ANKRD6: variants seen among roughly 807,000 people sequenced by gnomAD.
ANKRD6 encodes ankyrin repeat domain-containing protein 6.
Under a neutral mutation model 82.3 loss-of-function variants are expected in ANKRD6, and 56 were observed. The ratio of observed to expected loss-of-function variants is 0.68; its 90% CI spans 0.55 to 0.85. The LOEUF is 0.85. Among genes scored for constraint, ANKRD6 ranks in the 40% least tolerant of loss-of-function variants. The probability of loss-of-function intolerance (pLI) is 0.00; values close to 1 mark genes in which losing one functional copy is unlikely to be tolerated. For synonymous variants in ANKRD6, 347 were observed against 352.1 expected, an observed-to-expected ratio of 0.99 and a Z score of 0.16; for missense variants, 852 against 907.6, an observed-to-expected ratio of 0.94 and a Z score of 0.79.
intron 1 of ANKRD6, among the ~76,000 whole-genome samples, chr6:89,512,847 C>G (rs1207864334): frequency 6.6e-6 from 1 of 152,220 alleles, no homozygotes; most frequent in Non-Finnish European, 1.5e-5. Flanking sequence ...GGTTTCCACT[C>G]AGAAAATTCA....
chr6:89,594,384 G>A (rs1006200368), intron 2 of ANKRD6, among the ~76,000 whole-genome samples: 4 of 152,028 alleles, frequency 2.6e-5, no homozygotes, highest in Admixed American at 2.6e-4. Flanking sequence ...GAGCCAAAAG[G>A]TTGAAGCTGC....
chr6:89,450,209 C>T (rs1337528883), intron 1 of ANKRD6, among the ~76,000 whole-genome samples: 1 of 151,790 alleles, frequency 6.6e-6, no homozygotes, highest in South Asian at 2.1e-4. Flanking sequence ...TGGTGGCAGG[C>T]GCCTATAATC....
At chr6:89,612,070 A>G (rs1287873467) in intron 5 of ANKRD6, among the ~76,000 whole-genome samples, 5 of 152,244 alleles carry the variant, frequency 3.3e-5, no homozygotes, top group Admixed American at 6.5e-5. Context: ...AGGTTTTATG[A>G]CAAATAGGAC....
chr6:89,625,057 CA>C (rs1805134647), intron 13 of ANKRD6, among the ~76,000 whole-genome samples: 3 of 152,086 alleles, frequency 2.0e-5, no homozygotes, highest in Admixed American at 2.0e-4. Flanking sequence ...CCAAGGCAGG[CA>C]GATCACTTGA....
intron 1 of ANKRD6, among the ~76,000 whole-genome samples, chr6:89,446,379 A>T (rs771040702): frequency 2.7e-4 from 41 of 152,104 alleles, no homozygotes; most frequent in Non-Finnish European, 3.4e-4. Context: ...TAAATTAAAT[A>T]AAATTAGGTG....
chr6:89,587,034 C>CA (rs1204652858), intron 2 of ANKRD6, among the ~76,000 whole-genome samples: 1 of 151,692 alleles, frequency 6.6e-6, no homozygotes, highest in Non-Finnish European at 1.5e-5. Flanking sequence ...ACTAAAAATA[C>CA]AAAAAAACTA....
At position 89,460,817 on chromosome 6, in the gene ANKRD6, G is replaced by A. The variant is rs78385073; in HGVS notation, c.-144+27442G>A. Reference sequence around the variant, plus strand: ...AGGATCATTTCAGAATGAGAGAGTGGAGAGGGAGAGAAAGAAATGAAATAA... The same window carrying A: ...AGGATCATTTCAGAATGAGAGAGTGAAGAGGGAGAGAAAGAAATGAAATAA... On this transcript the variant is annotated intron_variant, in intron 1 of 15. Transcript: ENST00000339746. Among the ~76,000 whole-genome samples the A allele has an allele frequency of 6.6e-5, 10 of 151,966 alleles. No individual in the cohort carries two copies. The South Asian group carries it at 1.5e-3, about 22-fold the overall frequency.
At chr6:89,543,449 G>T (rs1784667342) in intron 1 of ANKRD6, among the ~76,000 whole-genome samples, 1 of 151,926 alleles carries the variant, frequency 6.6e-6, no homozygotes, top group South Asian at 2.1e-4. Flanking sequence ...TTGTCCCCTG[G>T]ACTCCATAAG....
intron 10 of ANKRD6, among the ~76,000 whole-genome samples, chr6:89,622,494 G>T (rs1432434570): frequency 3.9e-5 from 6 of 152,246 alleles, no homozygotes; most frequent in African/African-American, 9.6e-5. Context: ...AAGCCCTCCA[G>T]GGGATTCTCA....
chr6:89,438,084 T>C (rs908867710), intron 1 of ANKRD6, among the ~76,000 whole-genome samples: 5 of 152,262 alleles, frequency 3.3e-5, no homozygotes, highest in African/African-American at 7.2e-5. Flanking sequence ...CTTATACATA[T>C]GATTCCTCAA....
chr6:89,477,236 G>T (rs570330843), intron 1 of ANKRD6, among the ~76,000 whole-genome samples: 1 of 152,074 alleles, frequency 6.6e-6, no homozygotes, highest in African/African-American at 2.4e-5. Context: ...GAGCCACCGT[G>T]CCCAGCCGGT....
At chr6:89,500,972 CTTT>C (rs35877637) in intron 1 of ANKRD6, among the ~76,000 whole-genome samples, 8 of 121,816 alleles carry the variant, frequency 6.6e-5, no homozygotes, top group African/African-American at 1.8e-4. Context: ...CCCAATTAGT[CTTT>C]TTTTTTTTTT....
chr6:89,499,272 A>C (rs1778995622), intron 1 of ANKRD6, among the ~76,000 whole-genome samples: 2 of 152,214 alleles, frequency 1.3e-5, no homozygotes, highest in African/African-American at 2.4e-5. Flanking sequence ...GGTAATGGTA[A>C]ACTGTCACCA....
At chr6:89,627,406 G>C (rs1025502345) in intron 13 of ANKRD6, among the ~76,000 whole-genome samples, 177 bp from the exon 14 acceptor site, 94 of 152,136 alleles carry the variant, frequency 6.2e-4, no homozygotes, top group African/African-American at 2.2e-3. Flanking sequence ...ATAGAAACAT[G>C]CTCAAGAATT....
intron 1 of ANKRD6, among the ~76,000 whole-genome samples, chr6:89,470,926 G>T (rs558186316): frequency 6.6e-6 from 1 of 152,078 alleles, no homozygotes; most frequent in Non-Finnish European, 1.5e-5. Context: ...CATGGATGTT[G>T]TCCAGTCACC....
chr6:89,623,158 A>G (rs1804254858), intron 10 of ANKRD6, among the ~76,000 whole-genome samples: 1 of 152,090 alleles, frequency 6.6e-6, no homozygotes, highest in South Asian at 2.1e-4. Flanking sequence ...ACAACATCGA[A>G]TTGGACCCAG....
chr6:89,601,833 G>A (rs1179879879), intron 3 of ANKRD6: 1 of 152,160 alleles, frequency 6.6e-6, no homozygotes, highest in Non-Finnish European at 1.5e-5. Context: ...CGTTAAGGTT[G>A]TTTATAGGTA....
chr6:89,625,556 T>C (rs1318604213), intron 13 of ANKRD6, among the ~76,000 whole-genome samples: 1 of 152,168 alleles, frequency 6.6e-6, no homozygotes, highest in South Asian at 2.1e-4. Flanking sequence ...TTTTTTTAAC[T>C]CTTGAACTAT....
At chr6:89,513,968 A>G (rs550250149) in intron 1 of ANKRD6, among the ~76,000 whole-genome samples, 27 of 152,358 alleles carry the variant, frequency 1.8e-4, no homozygotes, top group Admixed American at 1.6e-3. Context: ...GTCACATTCC[A>G]ATGACTTAAG....
Sources: gnomAD v4.1 joint callset for allele counts (sites outside exome capture counted in the v4.1 genomes callset) on GRCh38, gnomAD v4.1.1 for gene constraint, MANE v1.5 for transcripts, NCBI Gene and HGNC (gene_info 2026-07-23, HGNC 2026-07-21) for gene names.